Variants in MLLT10 observed in about 807,000 individuals in gnomAD.
MLLT10 encodes the protein MLLT10 histone lysine methyltransferase DOT1L cofactor, also known as protein AF-10.
Under a neutral mutation model 129.1 loss-of-function variants are expected in MLLT10, and 30 were observed. The ratio of observed to expected loss-of-function variants is 0.23; its 90% confidence interval spans 0.17 to 0.32. The LOEUF (loss-of-function observed/expected upper bound fraction) is 0.32, where lower values mean the gene tolerates loss of function less well. MLLT10 is among the 10% of genes least tolerant of loss of function. The probability of loss-of-function intolerance (pLI) is 1.00; values close to 1 mark genes in which losing one functional copy is unlikely to be tolerated. For synonymous variants in MLLT10, 490 were observed against 446.4 expected (o/e 1.10, Z -1.23); for missense variants, 1,119 against 1,268.3 (o/e 0.88, Z 1.79).
At chr10:21,595,525 C>A in intron 5 of MLLT10, 85 bp downstream of exon 5, 1 of 1,039,326 alleles carries the variant, frequency 9.6e-7, no homozygotes, top group South Asian at 1.9e-5. Context: ...AATCACAGGT[C>A]TCCATCAAAT....
rs756324628 is a variant in MLLT10, at chr10:21,673,542, G to A, written c.1244G>A (p.Ser415Asn). 6.2e-7 allele frequency: 1 copy of A among 1,613,350 alleles called. No individual in the cohort carries two copies. Among genetic ancestry groups the A allele is most frequent in the Non-Finnish European group, 8.5e-7 (1 of 1,179,750 alleles). Reference sequence around the variant, plus strand: ...CAGGAAGGGGGGGTAAATAGTTTTAGTACCTTAATTGGCCTCCCTTCAACC... The same window carrying A: ...CAGGAAGGGGGGGTAAATAGTTTTAATACCTTAATTGGCCTCCCTTCAACC... ...GSQEGGVNSF[S>N]TLIGLPSTSA... The change falls in exon 11 of 23, where the codon AGT becomes AAT. Residue 415 changes from serine to asparagine, a missense_variant. Around this residue, in one of 5 missense-constraint regions of MLLT10, gnomAD observed 1,004 missense variants for 1,008.7 expected, o/e 1.00. Transcript: ENST00000307729.
chr10:21,563,617 TGTTACA>T (rs1265763519), intron 3 of MLLT10, among the ~76,000 whole-genome samples: 1 of 152,108 alleles, frequency 6.6e-6, no homozygotes, highest in Non-Finnish European at 1.5e-5. Flanking sequence ...GCTTAGTATT[TGTTACA>T]GTTAAACTGC....
intron 21 of MLLT10, chr10:21,738,355 C>G: frequency 1.1e-5 from 14 of 1,247,878 alleles, no homozygotes; most frequent in Non-Finnish European, 1.5e-5. Context: ...CACTAAAACT[C>G]CATTTATTTG....
intron 3 of MLLT10, among the ~76,000 whole-genome samples, chr10:21,549,939 C>T (rs898305389): frequency 1.3e-5 from 2 of 152,130 alleles, no homozygotes; most frequent in African/African-American, 4.8e-5. Flanking sequence ...GCGCCTAGCT[C>T]TGAGTTGTAC....
chr10:21,588,924 A>T (rs1015423700), intron 4 of MLLT10, among the ~76,000 whole-genome samples: 2 of 151,382 alleles, frequency 1.3e-5, no homozygotes, highest in Admixed American at 6.6e-5. Context: ...CCCCCTTTCA[A>T]GGGACTCTCC....
chr10:21,622,333 T>A (rs2045963907), intron 8 of MLLT10, among the ~76,000 whole-genome samples: 1 of 151,358 alleles, frequency 6.6e-6, no homozygotes, highest in Admixed American at 6.6e-5. Flanking sequence ...ATTTTTTTTT[T>A]TTTTTTTTTA....
intron 14 of MLLT10, among the ~76,000 whole-genome samples, chr10:21,716,052 T>G (rs964134993): frequency 7.2e-5 from 11 of 152,260 alleles, no homozygotes; most frequent in Non-Finnish European, 1.3e-4. Context: ...TCAGTTGAAC[T>G]GAGTGCTGAA....
intron 4 of MLLT10, among the ~76,000 whole-genome samples, chr10:21,593,539 A>G (rs1351213295): frequency 2.0e-5 from 3 of 152,022 alleles, no homozygotes; most frequent in Non-Finnish European, 4.4e-5. Flanking sequence ...CAAAATGGTG[A>G]TCTGTTTTGA....
At chr10:21,710,753 TC>T (rs1472322802) in intron 13 of MLLT10, among the ~76,000 whole-genome samples, 1 of 152,224 alleles carries the variant, frequency 6.6e-6, no homozygotes, top group Non-Finnish European at 1.5e-5. Context: ...AATCATTATT[TC>T]ACCACCTACT....
At chr10:21,695,012 G>A (rs1488795867) in intron 13 of MLLT10, among the ~76,000 whole-genome samples, 3 of 150,382 alleles carry the variant, frequency 2.0e-5, no homozygotes, top group African/African-American at 4.9e-5. Context: ...GCCTTCTGCC[G>A]CATCTCTCAC....
At chr10:21,698,431 C>T (rs1405073614) in intron 13 of MLLT10, among the ~76,000 whole-genome samples, 2 of 152,160 alleles carry the variant, frequency 1.3e-5, no homozygotes, top group African/African-American at 2.4e-5. Flanking sequence ...TAGTATTCCA[C>T]TGTGTGTATA....
chr10:21,598,060 G>A (rs1412387870), intron 5 of MLLT10, among the ~76,000 whole-genome samples: 1 of 152,090 alleles, frequency 6.6e-6, no homozygotes. Context: ...ATTCATTGAT[G>A]TTTCTTGACC....
At chr10:21,541,821 T>C (rs967934092) in intron 3 of MLLT10, among the ~76,000 whole-genome samples, 1 of 152,176 alleles carries the variant, frequency 6.6e-6, no homozygotes, top group African/African-American at 2.4e-5. Flanking sequence ...GCCAGAGCAA[T>C]TTTTTTATAG....
At chr10:21,561,338 GCAAGTTCTGCCTCCTGGGTT>G (rs1299833776) in intron 3 of MLLT10, among the ~76,000 whole-genome samples, 1 of 151,778 alleles carries the variant, frequency 6.6e-6, no homozygotes, top group Non-Finnish European at 1.5e-5. Flanking sequence ...CCTCCTGGGT[GCAAGTTCTGCCTCCTGGGTT>G]CAAGCGATTC....
At chr10:21,574,877 C>T (rs1243505081) in intron 3 of MLLT10, among the ~76,000 whole-genome samples, 1 of 152,096 alleles carries the variant, frequency 6.6e-6, no homozygotes, top group African/African-American at 2.4e-5. Context: ...TTTATTACAA[C>T]CTGTTTTATC....
chr10:21,700,288 C>T (rs985483029), intron 13 of MLLT10, among the ~76,000 whole-genome samples: 2 of 151,996 alleles, frequency 1.3e-5, no homozygotes, highest in Non-Finnish European at 2.9e-5. Flanking sequence ...AGTTTTTCTG[C>T]ATATAAGATC....
At chr10:21,713,154 C>A (rs1174235482) in intron 13 of MLLT10, among the ~76,000 whole-genome samples, 1 of 152,196 alleles carries the variant, frequency 6.6e-6, no homozygotes, top group Non-Finnish European at 1.5e-5. Flanking sequence ...TCCTCTCCTA[C>A]CCCTGCAGCT....
intron 13 of MLLT10, among the ~76,000 whole-genome samples, chr10:21,707,352 C>A (rs1197850805): frequency 1.3e-5 from 2 of 151,772 alleles, no homozygotes; most frequent in African/African-American, 4.8e-5. Flanking sequence ...GCCACCATGC[C>A]CGGCTAATTT....
rs2051412379 is a variant in MLLT10, at chr10:21,671,622, T to TA, written c.1051+924dup. 2.6e-5 allele frequency among the ~76,000 whole-genome samples: 4 copies of TA among 152,186 alleles called. No individual in the cohort carries two copies. In the South Asian group the frequency reaches 8.3e-4, roughly 32 times the overall value. ...GCAACATGGCAAAACCCTGTCTCTC[T>TA]AAAAAATACAAAATTAGCCAGGCAT... On this transcript the variant is annotated intron_variant, in intron 10 of 22. Coordinates refer to ENST00000307729, the MANE Select transcript of MLLT10 (RefSeq NM_001195626.3).
Sources: gnomAD v4.1 joint callset for allele counts (sites outside exome capture counted in the v4.1 genomes callset) on GRCh38, gnomAD v4.1.1 for gene constraint, gnomAD v4.1.1 regional missense constraint, MANE v1.5 for transcripts, NCBI Gene and HGNC (gene_info 2026-07-23, HGNC 2026-07-21) for gene names.